CPOX: variants seen among roughly 807,000 people sequenced by gnomAD.
The protein encoded by CPOX is coproporphyrinogen oxidase, also known as oxygen-dependent coproporphyrinogen-III oxidase, mitochondrial.
Under a neutral mutation model 48.9 loss-of-function variants are expected in CPOX, and 24 were observed. The ratio of observed to expected loss-of-function variants is 0.49; its 90% CI spans 0.36 to 0.69. The LOEUF (loss-of-function observed/expected upper bound fraction) is 0.69, where lower values mean the gene tolerates loss of function less well. Among genes scored for constraint, CPOX ranks in the 30% least tolerant of loss-of-function variants. The probability of loss-of-function intolerance (pLI) is 0.00; values close to 1 mark genes in which losing one functional copy is unlikely to be tolerated. For missense variants in CPOX, 549 were observed against 597.3 expected, an observed-to-expected ratio of 0.92 and a Z score of 0.84; for synonymous variants, 249 against 234.6, an observed-to-expected ratio of 1.06 and a Z score of -0.56.
chr3:98,582,517 G>T (rs1408988224), intron 5 of CPOX, among the ~76,000 whole-genome samples: 9 of 149,970 alleles, frequency 6.0e-5, no homozygotes, highest in African/African-American at 2.2e-4. Flanking sequence ...TTTTGAGATG[G>T]AATCTTACTC....
At chr3:98,570,515 G>T in the CPOX span, among the ~76,000 whole-genome samples, 1 of 152,084 alleles carries the variant, frequency 6.6e-6, no homozygotes, top group Non-Finnish European at 1.5e-5. Flanking sequence ...TATTTTCCAA[G>T]ATTTCCACAA....
intron 4 of CPOX, chr3:98,585,927 C>G: frequency 2.6e-6 from 1 of 384,722 alleles, no homozygotes; most frequent in Non-Finnish European, 5.0e-6. Context: ...CGCTGGAGTG[C>G]AGTGGTGCGA....
chr3:98,590,241 A>G (rs890133994), intron 3 of CPOX, among the ~76,000 whole-genome samples: 4 of 152,218 alleles, frequency 2.6e-5, no homozygotes, highest in African/African-American at 7.2e-5. Flanking sequence ...TCCGCCTCCC[A>G]GGTTCAAGTG....
At chr3:98,585,002 G>C (rs1023969956) in intron 5 of CPOX, among the ~76,000 whole-genome samples, 1 of 152,098 alleles carries the variant, frequency 6.6e-6, no homozygotes, top group Admixed American at 6.6e-5. Flanking sequence ...AAAAACATCA[G>C]ATACAAAATG....
the CPOX span, among the ~76,000 whole-genome samples, chr3:98,572,562 T>C: frequency 6.6e-6 from 1 of 152,346 alleles, no homozygotes; most frequent in Admixed American, 6.5e-5. Flanking sequence ...ATGGTTCTTG[T>C]TATTTTCTAA....
At chr3:98,585,314 T>C in intron 5 of CPOX, 127 bp downstream of exon 5, 2 of 800,698 alleles carry the variant, frequency 2.5e-6, no homozygotes, top group South Asian at 1.4e-5. Context: ...ATTCACTTAA[T>C]ATTCATCTAT....
chr3:98,591,462 T>A (rs1707477527), intron 1 of CPOX, among the ~76,000 whole-genome samples: 1 of 152,234 alleles, frequency 6.6e-6, no homozygotes, highest in African/African-American at 2.4e-5. Context: ...CATCTATCAG[T>A]TATGATATAT....
intron 1 of CPOX, among the ~76,000 whole-genome samples, chr3:98,591,896 G>A (rs911233443): frequency 1.3e-5 from 2 of 151,678 alleles, no homozygotes; most frequent in African/African-American, 4.8e-5. Context: ...CTGACAAGTG[G>A]CTGCAACAAT....
chr3:98,590,421 T>C (rs1707456472), intron 3 of CPOX: 1 of 595,174 alleles, frequency 1.7e-6, no homozygotes, highest in Non-Finnish European at 3.1e-6. Flanking sequence ...AGTGCTGGGA[T>C]TACAGGTATG....
intron 1 of CPOX, among the ~76,000 whole-genome samples, 158 bp downstream of exon 1, chr3:98,592,791 T>C (rs1707504595): frequency 2.0e-5 from 3 of 152,078 alleles, no homozygotes; most frequent in Admixed American, 2.0e-4. Flanking sequence ...CCCTTTCGTG[T>C]CCATCTTTTT....
Position 98,580,200 on chromosome 3 carries a change from A to G in CPOX, c.*483T>C. The G allele has an allele frequency of 1.0e-6, 1 of 991,908 alleles. No homozygotes were observed. Among genetic ancestry groups the G allele is most frequent in the Non-Finnish European group, 1.2e-6 (1 of 833,236 alleles). 61.4% of individuals were successfully genotyped at this position (991,908 alleles called of 1,614,324 possible). On this transcript the variant is annotated 3_prime_UTR_variant, in exon 7 of 7. Transcript: ENST00000647941. Reference sequence around the variant, plus strand: ...AAGATATATAAGGATTACAGCAGAGACTTCAGTATTGACAAAGTAAAATTT... The same window carrying G: ...AAGATATATAAGGATTACAGCAGAGGCTTCAGTATTGACAAAGTAAAATTT...
chr3:98,572,285 T>C, the CPOX span, among the ~76,000 whole-genome samples: 51 of 152,326 alleles, frequency 3.3e-4, no homozygotes, highest in Non-Finnish European at 6.2e-4. Flanking sequence ...CTTTTTCTTA[T>C]GTTATGCTTT....
In CPOX at chr3:98,579,578, T is replaced by C. The variant is rs73133922; in HGVS notation, c.*1105A>G. ...ACGTGTTCCACGATAATGATATGTA[T>C]GAGATGCTCTTCCTTATAAACTTTA... is the stretch of plus-strand genomic sequence containing the variant. On this transcript the variant is annotated 3_prime_UTR_variant, in exon 7 of 7. Coordinates refer to ENST00000647941, the MANE Select transcript of CPOX (RefSeq NM_000097.7). The C allele has an allele frequency of 9.4e-3, 9,275 of 985,328 alleles. 46 individuals carry two copies. Among genetic ancestry groups the C allele is most frequent in the Non-Finnish European group, 0.011 (8,734 of 829,800 alleles). 61.0% of individuals were successfully genotyped at this position (985,328 alleles called of 1,614,324 possible). A position where few individuals can be genotyped will look rare whatever the true frequency, so the allele number is the denominator to read the frequency against.
Position 98,590,877 on chromosome 3 carries a change from A to T in CPOX, c.700+135T>A, listed in dbSNP as rs1215294821. 8.7e-6 allele frequency: 11 copies of T among 1,263,402 alleles called. No homozygotes were observed. In the East Asian group the frequency reaches 2.5e-4, roughly 28 times the overall value. 78.3% of individuals were successfully genotyped at this position (1,263,402 alleles called of 1,614,324 possible). On this transcript the variant is annotated intron_variant, in intron 2 of 6. Coordinates refer to ENST00000647941, the MANE Select transcript of CPOX (RefSeq NM_000097.7). The stretch of plus-strand genomic sequence containing the variant: ...TTGTCACTTAAAAACATAATTTTAA[A>T]AAAGTATTTGTCAACGTGCGGCATA...
chr3:98,574,771 G>T (rs1707135196), downstream of CPOX, among the ~76,000 whole-genome samples: 1 of 152,124 alleles, frequency 6.6e-6, no homozygotes, highest in Non-Finnish European at 1.5e-5. Flanking sequence ...TAGAGATGGG[G>T]TTTCACCATG....
chr3:98,577,566 G>A (rs1707181138), downstream of CPOX, among the ~76,000 whole-genome samples: 1 of 152,198 alleles, frequency 6.6e-6, no homozygotes, highest in African/African-American at 2.4e-5. Context: ...GGAAGGCTGT[G>A]TGGAGGTTTT....
chr3:98,591,321 A>C (rs1707475109), intron 1 of CPOX, among the ~76,000 whole-genome samples, 166 bp from the exon 2 acceptor site: 1 of 152,264 alleles, frequency 6.6e-6, no homozygotes, highest in Non-Finnish European at 1.5e-5. Context: ...TTTATGACAT[A>C]TGCTATTAAT....
At chr3:98,592,337 C>A (rs960617552) in intron 1 of CPOX, among the ~76,000 whole-genome samples, 2 of 152,084 alleles carry the variant, frequency 1.3e-5, no homozygotes, top group African/African-American at 4.8e-5. Context: ...TACGCCTCTA[C>A]GAGAACTGGG....
chr3:98,571,454 C>A, the CPOX span, among the ~76,000 whole-genome samples: 1 of 151,646 alleles, frequency 6.6e-6, no homozygotes, highest in Non-Finnish European at 1.5e-5. Flanking sequence ...TTTGGGAGGC[C>A]GAGGCGGGCG....
Sources: allele counts gnomAD v4.1 joint callset (sites outside exome capture counted in the v4.1 genomes callset), GRCh38; gene constraint gnomAD v4.1.1; transcripts MANE v1.5; gene names NCBI Gene and HGNC (gene_info 2026-07-23, HGNC 2026-07-21).